Variants in SKAP1 observed in about 807,000 individuals in gnomAD.
The protein encoded by SKAP1 is src kinase associated phosphoprotein 1.
In SKAP1, 44 loss-of-function variants were observed where a neutral mutation model predicts 58.5. The ratio of observed to expected loss-of-function variants is 0.75; its 90% CI spans 0.59 to 0.97. The LOEUF is 0.97. Ranked by LOEUF, SKAP1 falls within the 50% of genes least tolerant of loss-of-function variation. The pLI is 0.00. For missense variants in SKAP1, 390 were observed against 435.2 expected, an observed-to-expected ratio of 0.90 and a Z score of 0.92; for synonymous variants, 127 against 149.7, an observed-to-expected ratio of 0.85 and a Z score of 1.11.
chr17:48,160,785 C>G (rs950657393), intron 11 of SKAP1, among the ~76,000 whole-genome samples: 1 of 152,232 alleles, frequency 6.6e-6, no homozygotes, highest in Non-Finnish European at 1.5e-5. Flanking sequence ...TCTGGGCAAA[C>G]AGAGGCCTGG....
At chr17:48,371,414 G>A (rs2067083917) in intron 2 of SKAP1, among the ~76,000 whole-genome samples, 1 of 151,990 alleles carries the variant, frequency 6.6e-6, no homozygotes, top group South Asian at 2.1e-4. Context: ...GCTAACCAAA[G>A]AACATAGTTA....
At chr17:48,429,401 A>G (rs1481288088) in intron 1 of SKAP1, among the ~76,000 whole-genome samples, 2 of 152,194 alleles carry the variant, frequency 1.3e-5, no homozygotes, top group East Asian at 1.9e-4. Flanking sequence ...CCGCTTAGAC[A>G]CTGTAGTTGG....
chr17:48,212,602 C>T (rs1320069693), intron 4 of SKAP1, among the ~76,000 whole-genome samples: 1 of 152,172 alleles, frequency 6.6e-6, no homozygotes, highest in Non-Finnish European at 1.5e-5. Flanking sequence ...CTCTAGGGCT[C>T]CAAGTGCTTG....
At chr17:48,362,454 T>C (rs2066948715) in intron 3 of SKAP1, among the ~76,000 whole-genome samples, 1 of 152,258 alleles carries the variant, frequency 6.6e-6, no homozygotes, top group South Asian at 2.1e-4. Context: ...GGATTTTGGT[T>C]AACATCTGTT....
At chr17:48,440,932 G>A in the SKAP1 span, among the ~76,000 whole-genome samples, 1 of 152,188 alleles carries the variant, frequency 6.6e-6, no homozygotes, top group South Asian at 2.1e-4. Context: ...CTGCATCAAA[G>A]GAGGACCCCA....
At chr17:48,164,438 C>T (rs1163193948) in intron 10 of SKAP1, among the ~76,000 whole-genome samples, 2 of 152,148 alleles carry the variant, frequency 1.3e-5, no homozygotes, top group Non-Finnish European at 2.9e-5. Flanking sequence ...GTACGGTTCC[C>T]TACTGTGTGC....
intron 5 of SKAP1, 28 bp from the exon 6 acceptor site, chr17:48,187,954 A>G (rs1368114732): frequency 6.6e-6 from 10 of 1,526,542 alleles, no homozygotes; most frequent in Non-Finnish European, 7.3e-6. Flanking sequence ...AGGGGACATA[A>G]ATTCAGGTAA....
rs537266320 is a variant in SKAP1, at chr17:48,302,894, CTG to C, written c.280+43009_280+43010del. Among the ~76,000 whole-genome samples the C allele has an allele frequency of 4.7e-4, 72 of 152,244 alleles. 1 individual carries two copies. The highest frequency in any genetic ancestry group is 1.3e-3 in the Admixed American group (20 of 15,288). ...GTAAGCACAGAATTTCCATATAAGA[CTG>C]GTAGTGATTTGAAGAAGTCAAATCA... On this transcript the variant is annotated intron_variant, in intron 4 of 12. Transcript: ENST00000336915.
chr17:48,364,993 C>T, intron 2 of SKAP1, among the ~76,000 whole-genome samples: 1 of 152,202 alleles, frequency 6.6e-6, no homozygotes, highest in South Asian at 2.1e-4. Flanking sequence ...AAGGGATCCT[C>T]CTACCTCAGC....
intron 1 of SKAP1, among the ~76,000 whole-genome samples, chr17:48,420,299 A>G (rs1380383667): frequency 6.6e-6 from 1 of 152,204 alleles, no homozygotes; most frequent in African/African-American, 2.4e-5. Flanking sequence ...TAAGTATTAT[A>G]CTTATGAAAT....
At chr17:48,355,066 T>C (rs938107989) in intron 3 of SKAP1, among the ~76,000 whole-genome samples, 2 of 152,162 alleles carry the variant, frequency 1.3e-5, no homozygotes, top group Admixed American at 1.3e-4. Context: ...CATTTATAAG[T>C]TGTTTTTTTC....
At chr17:48,179,329 C>T (rs1481939439) in intron 9 of SKAP1, among the ~76,000 whole-genome samples, 1 of 152,160 alleles carries the variant, frequency 6.6e-6, no homozygotes, top group Non-Finnish European at 1.5e-5. Flanking sequence ...TTTGGTTCTC[C>T]ACTGTCTGAC....
At chr17:48,402,423 G>A (rs1413512416) in intron 1 of SKAP1, among the ~76,000 whole-genome samples, 7 of 151,296 alleles carry the variant, frequency 4.6e-5, no homozygotes, top group African/African-American at 1.2e-4. Context: ...TCTGCCTCCC[G>A]GATTCAAGTG....
At chr17:48,270,491 G>A (rs993198659) in intron 4 of SKAP1, among the ~76,000 whole-genome samples, 2 of 151,898 alleles carry the variant, frequency 1.3e-5, no homozygotes, top group Non-Finnish European at 2.9e-5. Context: ...TTACAGGTGC[G>A]CGCCACATGC....
intron 4 of SKAP1, among the ~76,000 whole-genome samples, chr17:48,216,184 T>A (rs1439735404): frequency 6.6e-6 from 1 of 152,196 alleles, no homozygotes; most frequent in African/African-American, 2.4e-5. Flanking sequence ...GCAGTATGAA[T>A]TCCGGTGACT....
At chr17:48,266,322 C>G (rs2065548829) in intron 4 of SKAP1, among the ~76,000 whole-genome samples, 1 of 152,074 alleles carries the variant, frequency 6.6e-6, no homozygotes, top group African/African-American at 2.4e-5. Context: ...AAAGGAGCTC[C>G]TTTATTATTT....
intron 12 of SKAP1, chr17:48,136,640 A>G (rs1202592925): frequency 6.6e-6 from 1 of 151,146 alleles, no homozygotes; most frequent in East Asian, 1.9e-4. Flanking sequence ...TTACCTCTAG[A>G]TTTTTGCAGA....
chr17:48,404,893 C>A (rs1054376058), intron 1 of SKAP1, among the ~76,000 whole-genome samples: 2 of 151,970 alleles, frequency 1.3e-5, no homozygotes, highest in Non-Finnish European at 2.9e-5. Flanking sequence ...TACAAAACAT[C>A]CTAGGCAAAA....
At chr17:48,350,108 T>G (rs2144344808) in intron 3 of SKAP1, among the ~76,000 whole-genome samples, 1 of 152,298 alleles carries the variant, frequency 6.6e-6, no homozygotes, top group South Asian at 2.1e-4. Flanking sequence ...GCAAATCCGT[T>G]TAGTCCTGAA....
Sources: allele counts gnomAD v4.1 joint callset (sites outside exome capture counted in the v4.1 genomes callset), GRCh38; gene constraint gnomAD v4.1.1; transcripts MANE v1.5; gene names NCBI Gene and HGNC (gene_info 2026-07-23, HGNC 2026-07-21).